GATB: variants seen among roughly 807,000 people sequenced by gnomAD.
The protein encoded by GATB is glutamyl-tRNA amidotransferase subunit B, also known as glutamyl-tRNA(Gln) amidotransferase subunit B, mitochondrial.
In GATB, 39 loss-of-function variants were observed where a neutral mutation model predicts 62.3. The observed-to-expected ratio is 0.63, with a 90% CI of 0.48 to 0.82. The LOEUF is 0.82. Among genes scored for constraint, GATB ranks in the 40% least tolerant of loss-of-function variants. GATB has a pLI of 0.00. For synonymous variants in GATB, 276 were observed against 258.9 expected (o/e 1.07, Z -0.63); for missense variants, 670 against 684.0 (o/e 0.98, Z 0.23).
chr4:151,746,019 T>C (rs28710456), intron 2 of GATB, among the ~76,000 whole-genome samples: 89,040 of 152,156 alleles, frequency 0.59, 28,429 homozygotes, highest in African/African-American at 0.86. Flanking sequence ...GAGCAGAGCT[T>C]CTCATTTCTT....
chr4:151,729,933 AT>A (rs1391481184), intron 2 of GATB, among the ~76,000 whole-genome samples: 2 of 152,170 alleles, frequency 1.3e-5, no homozygotes, highest in Non-Finnish European at 2.9e-5. Flanking sequence ...TGCATTGTGA[AT>A]TTTACCTCCA....
At position 151,688,768 on chromosome 4, in the gene GATB, T is replaced by C. The variant is rs764667192; in HGVS notation, c.1198-5A>G. On this transcript the variant is annotated splice_polypyrimidine_tract_variant and splice_region_variant and intron_variant, in intron 9 of 12. Transcript: ENST00000263985. ...CTCCAGTAGGCCGACTTCGTTCTGT[T>C]AAAAAAAAAAAAAGAAAATTACATA... 1.9e-5 allele frequency: 27 copies of C among 1,430,820 alleles called. No homozygotes were observed. Among genetic ancestry groups the C allele is most frequent in the Middle Eastern group, 1.8e-4 (1 of 5,406 alleles). The allele number at this position is 1,430,820 out of a possible 1,614,324, so 88.6% of individuals were successfully genotyped here. A position where few individuals can be genotyped will look rare whatever the true frequency, so the allele number is the denominator to read the frequency against.
At position 151,735,734 on chromosome 4, in the gene GATB, G is replaced by GTATATATATATATA. The variant is rs1491213513; in HGVS notation, c.328-16197_328-16196insTATATATATATATA. 1.8e-3 allele frequency among the ~76,000 whole-genome samples: 171 copies of GTATATATATATATA among 93,592 alleles called. 29 individuals are homozygous for GTATATATATATATA. The highest frequency in any genetic ancestry group is 5.1e-3 in the African/African-American group (91 of 17,908). The allele number at this position is 93,592 out of a possible 152,430, so 61.4% of individuals were successfully genotyped here. A position where few individuals can be genotyped will look rare whatever the true frequency, so the allele number is the denominator to read the frequency against. The stretch of plus-strand genomic sequence containing the variant: ...TCAACAAGTGGATAAATAAACTGTG[G>GTATATATATATATA]TGTATATATATATATATATATATGA... On this transcript the variant is annotated intron_variant, in intron 2 of 12. Coordinates refer to ENST00000263985, the MANE Select transcript of GATB (RefSeq NM_004564.3).
intron 1 of GATB, among the ~76,000 whole-genome samples, chr4:151,759,791 C>CAT (rs111549700): frequency 0.021 from 3,221 of 150,120 alleles, 83 homozygotes; most frequent in African/African-American, 0.067. Context: ...TGTGTATATA[C>CAT]ATATATATAT....
At chr4:151,685,766 C>T (rs1302859025) in intron 10 of GATB, among the ~76,000 whole-genome samples, 1 of 152,094 alleles carries the variant, frequency 6.6e-6, no homozygotes, top group Admixed American at 6.5e-5. Flanking sequence ...GATGAAAGAC[C>T]AAGAGGCGCG....
chr4:151,720,783 C>T (rs1194011306), intron 2 of GATB: 2 of 152,228 alleles, frequency 1.3e-5, no homozygotes, highest in African/African-American at 4.8e-5. Context: ...AAAGCCCACA[C>T]ATGCCGTGGC....
chr4:151,672,756 A>C lies in GATB; in HGVS notation c.1545+6T>G. 6.2e-7 allele frequency: 1 copy of C among 1,613,638 alleles called. No individual in the cohort carries two copies. Among genetic ancestry groups the C allele is most frequent in the Non-Finnish European group, 8.5e-7 (1 of 1,179,708 alleles). On this transcript the variant is annotated splice_donor_region_variant and intron_variant, in intron 12 of 12. Coordinates refer to ENST00000263985, the MANE Select transcript of GATB (RefSeq NM_004564.3). ...TCTGGCCCTCTCCCCTGCCCGAGAT[A>C]GTCACCACTTGAGGATGGGCCTCCA...
intron 2 of GATB, among the ~76,000 whole-genome samples, chr4:151,727,936 A>G (rs1489177696): frequency 1.3e-5 from 2 of 152,234 alleles, no homozygotes; most frequent in African/African-American, 4.8e-5. Flanking sequence ...AAACAGCTCC[A>G]CAGATCTATT....
At chr4:151,757,886 G>C (rs1739868705) in intron 2 of GATB, among the ~76,000 whole-genome samples, 1 of 152,172 alleles carries the variant, frequency 6.6e-6, no homozygotes, top group African/African-American at 2.4e-5. Flanking sequence ...TTCCTCCAAA[G>C]ATGGCAGGAA....
chr4:151,711,291 G>C (rs1352893187), intron 5 of GATB, among the ~76,000 whole-genome samples: 1 of 152,188 alleles, frequency 6.6e-6, no homozygotes, highest in East Asian at 1.9e-4. Context: ...ACATTCATCA[G>C]ACTATGTCTT....
chr4:151,753,271 T>G (rs1388755382), intron 2 of GATB, among the ~76,000 whole-genome samples: 1 of 152,184 alleles, frequency 6.6e-6, no homozygotes, highest in Non-Finnish European at 1.5e-5. Flanking sequence ...CAGATCTCAC[T>G]GCACTGTACT....
chr4:151,758,934 G>GTTA lies in GATB; in HGVS notation c.177-13_177-12insTAA. 3 of 1,584,602 alleles carry GTTA rather than the reference G, an allele frequency of 1.9e-6. No individual in the cohort carries two copies. The highest frequency in any genetic ancestry group is 2.6e-6 in the Non-Finnish European group (3 of 1,164,704). Reference sequence around the variant, plus strand: ...CCCATTTGTGTTCACTAAGAAGAAAGAGATAATGGTTAAGATGTATTATAT... The same window carrying GTTA: ...CCCATTTGTGTTCACTAAGAAGAAAGTTAAGATAATGGTTAAGATGTATTATAT... On this transcript the variant is annotated splice_polypyrimidine_tract_variant and intron_variant, in intron 1 of 12. Coordinates refer to ENST00000263985, the MANE Select transcript of GATB (RefSeq NM_004564.3).
intron 9 of GATB, among the ~76,000 whole-genome samples, chr4:151,689,292 C>G (rs967966365): frequency 1.3e-5 from 2 of 152,222 alleles, no homozygotes; most frequent in Admixed American, 1.3e-4. Context: ...ATTCTCACAT[C>G]ATGACAAGAA....
chr4:151,707,617 T>C (rs112937704), intron 6 of GATB, among the ~76,000 whole-genome samples: 22 of 152,266 alleles, frequency 1.4e-4, no homozygotes, highest in African/African-American at 4.8e-4. Context: ...ATAGAACACA[T>C]TGGAAGTGAC....
chr4:151,760,756 C>T, intron 1 of GATB, 51 bp downstream of exon 1: 1 of 1,495,492 alleles, frequency 6.7e-7, no homozygotes, highest in Non-Finnish European at 9.0e-7. Flanking sequence ...TTCCCCAGTC[C>T]TGCAGTTCCA....
At chr4:151,705,665 TG>T (rs1738701239) in intron 6 of GATB, among the ~76,000 whole-genome samples, 1 of 152,132 alleles carries the variant, frequency 6.6e-6, no homozygotes, top group Non-Finnish European at 1.5e-5. Context: ...ACACAAAGTG[TG>T]GGTTGTGTGC....
In GATB at chr4:151,760,628, G is replaced by A. The variant is rs1175611898; in HGVS notation, c.176+179C>T. ...TTTGAAAACAGTGGTTTATATATGG[G>A]GGCGGAGTTGATAGAAAGTCTGTTT... On this transcript the variant is annotated intron_variant, in intron 1 of 12. Transcript: ENST00000263985. 2.0e-5 allele frequency among the ~76,000 whole-genome samples: 3 copies of A among 152,112 alleles called. No individual in the cohort carries two copies. In the East Asian group the frequency reaches 5.8e-4, roughly 29 times the overall value.
chr4:151,705,122 C>T, intron 7 of GATB, 63 bp downstream of exon 7: 1 of 1,147,008 alleles, frequency 8.7e-7, no homozygotes, highest in Non-Finnish European at 1.3e-6. Flanking sequence ...TGGTCAGTGG[C>T]TGAGCCCAGC....
At position 151,760,950 on chromosome 4, in the gene GATB, A is replaced by C. The variant is rs1171354848; in HGVS notation, c.33T>G (p.Arg11=). The C allele has an allele frequency of 1.2e-6, 2 of 1,613,160 alleles. No individual in the cohort carries two copies. Among genetic ancestry groups the C allele is most frequent in the African/African-American group, 2.7e-5 (2 of 74,900 alleles). The change falls in exon 1 of 13, where the codon CGT becomes CGG. Residue 11 remains arginine (R), a synonymous_variant. Transcript: ENST00000263985. MAAPMLRWGC[R]GRRWAFARVD... is the part of the protein sequence containing the mutation. ...CCCGGGCGAAAGCCCAACGTCTTCC[A>C]CGGCAGCCCCAGCGCAGCATGGGCG...
Sources: allele counts gnomAD v4.1 joint callset (sites outside exome capture counted in the v4.1 genomes callset), GRCh38; gene constraint gnomAD v4.1.1; transcripts MANE v1.5; gene names NCBI Gene and HGNC (gene_info 2026-07-23, HGNC 2026-07-21).